PDCD1LG2: variants seen among roughly 807,000 people sequenced by gnomAD.
PDCD1LG2 encodes programmed cell death 1 ligand 2, also known as B7 dendritic cell molecule.
PDCD1LG2 carries 32 observed loss-of-function variants against 28.2 expected under a neutral mutation model. The ratio of observed to expected loss-of-function variants is 1.13; its 90% CI spans 0.86 to 1.52. The LOEUF (loss-of-function observed/expected upper bound fraction) is 1.52, where lower values mean the gene tolerates loss of function less well. PDCD1LG2 is among the 40% of genes most tolerant of loss of function. The probability of loss-of-function intolerance (pLI) is 0.00; values close to 1 mark genes in which losing one functional copy is unlikely to be tolerated. For synonymous variants in PDCD1LG2, 116 were observed against 120.2 expected (o/e 0.97, Z 0.23); for missense variants, 385 against 323.8 (o/e 1.19, Z -1.45).
At chr9:5,554,071 A>G (rs1039076817) in intron 4 of PDCD1LG2, among the ~76,000 whole-genome samples, 2 of 152,080 alleles carry the variant, frequency 1.3e-5, no homozygotes, top group Non-Finnish European at 2.9e-5. Flanking sequence ...CCCTCATCCC[A>G]CATTTTGAGA....
chr9:5,512,615 CAGATGGT>C (rs1820083478), intron 1 of PDCD1LG2, among the ~76,000 whole-genome samples: 1 of 152,206 alleles, frequency 6.6e-6, no homozygotes, highest in Non-Finnish European at 1.5e-5. Context: ...TTCTCCCCAT[CAGATGGT>C]TCATTCATTC....
intron 1 of PDCD1LG2, among the ~76,000 whole-genome samples, chr9:5,518,697 T>A (rs1820215452): frequency 6.6e-6 from 1 of 152,234 alleles, no homozygotes; most frequent in East Asian, 1.9e-4. Context: ...TACATTTCCC[T>A]CTAGCTACTG....
intron 1 of PDCD1LG2, among the ~76,000 whole-genome samples, chr9:5,518,912 T>C (rs1440703973): frequency 6.6e-6 from 1 of 152,228 alleles, no homozygotes; most frequent in East Asian, 1.9e-4. Context: ...ATCACTCCTT[T>C]GTAGCACTGT....
intron 6 of PDCD1LG2, 133 bp downstream of exon 6, chr9:5,563,344 G>C (rs1816603723): frequency 2.5e-6 from 2 of 801,952 alleles, no homozygotes; most frequent in Non-Finnish European, 3.9e-6. Context: ...TTCCTGTTTG[G>C]TAGCATTTCA....
At chr9:5,554,015 C>A (rs1816387359) in intron 4 of PDCD1LG2, among the ~76,000 whole-genome samples, 1 of 152,102 alleles carries the variant, frequency 6.6e-6, no homozygotes, top group African/African-American at 2.4e-5. Context: ...CAAGCCCACC[C>A]TCTCTCTGGG....
intron 1 of PDCD1LG2, among the ~76,000 whole-genome samples, chr9:5,520,079 G>A (rs1820245039): frequency 6.6e-6 from 1 of 152,096 alleles, no homozygotes; most frequent in African/African-American, 2.4e-5. Flanking sequence ...AAATGAGCAA[G>A]TTGACCCTAA....
chr9:5,532,794 A>G (rs1042233528), intron 2 of PDCD1LG2, among the ~76,000 whole-genome samples: 1 of 152,244 alleles, frequency 6.6e-6, no homozygotes, highest in Non-Finnish European at 1.5e-5. Flanking sequence ...TTTCCCAAGA[A>G]TTAAAACATG....
At chr9:5,552,174 C>T (rs1460503743) in intron 4 of PDCD1LG2, among the ~76,000 whole-genome samples, 3 of 152,178 alleles carry the variant, frequency 2.0e-5, no homozygotes, top group Non-Finnish European at 4.4e-5. Flanking sequence ...AGTGAATCAG[C>T]GGACCCCTGA....
chr9:5,543,092 T>A (rs193265919), intron 3 of PDCD1LG2, among the ~76,000 whole-genome samples: 1 of 152,292 alleles, frequency 6.6e-6, no homozygotes, highest in Admixed American at 6.5e-5. Context: ...TAGAGACTAT[T>A]ATTCTAAGTG....
intron 4 of PDCD1LG2, among the ~76,000 whole-genome samples, chr9:5,556,369 G>A (rs1816442386): frequency 6.6e-6 from 1 of 151,818 alleles, no homozygotes; most frequent in East Asian, 1.9e-4. Context: ...GATGAGCAAG[G>A]CTCCTTATCT....
chr9:5,541,606 C>G (rs945384888), intron 3 of PDCD1LG2, among the ~76,000 whole-genome samples: 4 of 152,024 alleles, frequency 2.6e-5, no homozygotes, highest in Non-Finnish European at 5.9e-5. Context: ...AGGAATATAC[C>G]TAACGAAGGA....
At chr9:5,555,558 C>G (rs142429621) in intron 4 of PDCD1LG2, among the ~76,000 whole-genome samples, 187 of 152,348 alleles carry the variant, frequency 1.2e-3, no homozygotes, top group African/African-American at 4.4e-3. Context: ...AGAAGCGAGA[C>G]AGAAGTATCT....
At chr9:5,543,538 CAA>C (rs139524609) in intron 3 of PDCD1LG2, among the ~76,000 whole-genome samples, 175 of 73,658 alleles carry the variant, frequency 2.4e-3, no homozygotes, top group African/African-American at 7.7e-3. Context: ...GACTCCGTCT[CAA>C]AAAAAAAAAA....
chr9:5,562,527 C>T (rs1189285218), intron 5 of PDCD1LG2, among the ~76,000 whole-genome samples: 1 of 152,112 alleles, frequency 6.6e-6, no homozygotes, highest in East Asian at 1.9e-4. Context: ...AAAAAAGCTG[C>T]ATATTGAGTT....
intron 1 of PDCD1LG2, among the ~76,000 whole-genome samples, chr9:5,514,291 A>G (rs1206114388): frequency 6.6e-6 from 1 of 152,230 alleles, no homozygotes; most frequent in East Asian, 1.9e-4. Context: ...TGAATAAAAG[A>G]AAGAGATAAT....
intron 4 of PDCD1LG2, among the ~76,000 whole-genome samples, chr9:5,555,515 G>C (rs1451510829): frequency 1.3e-5 from 2 of 152,176 alleles, no homozygotes; most frequent in Non-Finnish European, 2.9e-5. Flanking sequence ...TACAGGCTAA[G>C]CTACCATAAT....
chr9:5,518,903 TC>T (rs1820219809), intron 1 of PDCD1LG2, among the ~76,000 whole-genome samples: 1 of 152,236 alleles, frequency 6.6e-6, no homozygotes, highest in Admixed American at 6.5e-5. Context: ...GCTCTACTGA[TC>T]ACTCCTTTGT....
chr9:5,513,119 T>C (rs943509305), intron 1 of PDCD1LG2, among the ~76,000 whole-genome samples: 4 of 152,232 alleles, frequency 2.6e-5, no homozygotes, highest in Non-Finnish European at 5.9e-5. Flanking sequence ...CCTTTGGTAT[T>C]GTCACTTAGT....
intron 1 of PDCD1LG2, among the ~76,000 whole-genome samples, chr9:5,518,386 G>A (rs1013664358): frequency 6.6e-6 from 1 of 152,224 alleles, no homozygotes; most frequent in Non-Finnish European, 1.5e-5. Flanking sequence ...GGAAGAAGGG[G>A]AAGTTAAAGC....
Sources: allele counts gnomAD v4.1 joint callset (sites outside exome capture counted in the v4.1 genomes callset), GRCh38; gene constraint gnomAD v4.1.1; transcripts MANE v1.5; gene names NCBI Gene and HGNC (gene_info 2026-07-23, HGNC 2026-07-21).